CAMSAP1: variants seen among roughly 807,000 people sequenced by gnomAD.
CAMSAP1 encodes the protein calmodulin regulated spectrin associated protein 1.
Under a neutral mutation model 143.5 loss-of-function variants are expected in CAMSAP1, and 58 were observed. The observed-to-expected ratio is 0.40, with a 90% CI of 0.33 to 0.50. CAMSAP1 has a LOEUF of 0.50. Ranked by LOEUF, CAMSAP1 falls within the 20% of genes least tolerant of loss-of-function variation. CAMSAP1 has a pLI of 0.45. For synonymous variants in CAMSAP1, 945 were observed against 859.3 expected (o/e 1.10, Z -1.74); for missense variants, 1,969 against 2,115.7 (o/e 0.93, Z 1.36).
At chr9:135,832,992 A>C (rs982222042) in intron 7 of CAMSAP1, among the ~76,000 whole-genome samples, 4 of 152,022 alleles carry the variant, frequency 2.6e-5, no homozygotes, top group African/African-American at 9.7e-5. Context: ...TGCCTATCAA[A>C]ATCCCAATGG....
At chr9:135,888,277 C>T (rs1451456140) in intron 1 of CAMSAP1, among the ~76,000 whole-genome samples, 1 of 152,236 alleles carries the variant, frequency 6.6e-6, no homozygotes, top group Non-Finnish European at 1.5e-5. Flanking sequence ...GCTATTACTG[C>T]AATGAGGATG....
chr9:135,891,249 T>C (rs1469705058), intron 1 of CAMSAP1, among the ~76,000 whole-genome samples: 1 of 152,120 alleles, frequency 6.6e-6, no homozygotes, highest in East Asian at 1.9e-4. Context: ...AGTGGCAGCA[T>C]GAGCAGCAGA....
chr9:135,817,887 G>A (rs1169859735), intron 14 of CAMSAP1, 90 bp downstream of exon 14: 1 of 951,960 alleles, frequency 1.1e-6, no homozygotes, highest in African/African-American at 1.7e-5. Flanking sequence ...AGTTACAAAA[G>A]CCTCTCTCAC....
chr9:135,887,489 T>C lies in CAMSAP1; in HGVS notation c.161-4411A>G, dbSNP rs147439764. 1.4e-3 allele frequency among the ~76,000 whole-genome samples: 218 copies of C among 152,036 alleles called. 1 individual carries two copies. The highest frequency in any genetic ancestry group is 4.7e-3 in the African/African-American group (195 of 41,446). On this transcript the variant is annotated intron_variant, in intron 1 of 16. Transcript: ENST00000389532. ...AAAAAAGATGTGTCTGCTTTAAGGA[T>C]TGGAGAAACGGTGACGAAAGAAAAC...
In CAMSAP1 at chr9:135,835,312, CG is replaced by C. The variant is rs568801143; in HGVS notation, c.1046-7729del. On this transcript the variant is annotated intron_variant, in intron 7 of 16. Coordinates refer to ENST00000389532, the MANE Select transcript of CAMSAP1 (RefSeq NM_015447.4). ...TACCCACAGCAGCACCAGGCAGCCCCGTGGTCGCCCCCTTCAGTACACCAGG... is the reference window on the plus strand; with the variant it reads ...TACCCACAGCAGCACCAGGCAGCCCCTGGTCGCCCCCTTCAGTACACCAGG... Among the ~76,000 whole-genome samples, 229 of 152,264 alleles carry C rather than the reference CG, an allele frequency of 1.5e-3. 1 individual carries two copies. Among genetic ancestry groups the C allele is most frequent in the African/African-American group, 5.4e-3 (225 of 41,562 alleles).
Position 135,818,690 on chromosome 9 carries a change from TC to T in CAMSAP1, c.3960-75del. 2 of 1,499,334 alleles carry T rather than the reference TC, an allele frequency of 1.3e-6. No homozygotes were observed. Among genetic ancestry groups the T allele is most frequent in the Non-Finnish European group, 1.8e-6 (2 of 1,113,044 alleles). 92.9% of individuals were successfully genotyped at this position (1,499,334 alleles called of 1,614,324 possible). On this transcript the variant is annotated intron_variant, in intron 12 of 16. Coordinates refer to ENST00000389532, the MANE Select transcript of CAMSAP1 (RefSeq NM_015447.4). This position sits in a 1 kb window ranked among gnomAD's most constrained non-coding sequence, Gnocchi z 7.7. ...ACGACGCCTGCGCCGCGGCGCTCTG[TC>T]CAGGCGCGTTTCTCGGGTTCTCCCC...
rs774868223 is a variant in CAMSAP1, at chr9:135,822,639, G to A, written c.2022C>T (p.Thr674=). 5.6e-6 allele frequency: 9 copies of A among 1,610,652 alleles called. No homozygotes were observed. Among genetic ancestry groups the A allele is most frequent in the East Asian group, 2.2e-5 (1 of 44,800 alleles). ...GAGGCCCACCACAGACCTCTCCTGC[G>A]GTTTCCACTGACAGTGGTCCTGTCT... is the stretch of plus-strand genomic sequence containing the variant. The part of the protein sequence containing the change: ...PTETGPLSVE[T]AGEVCGGPLA... The change falls in exon 11 of 17, where the codon ACC becomes ACT. Residue 674 remains threonine, a synonymous_variant. Coordinates refer to ENST00000389532, the MANE Select transcript of CAMSAP1 (RefSeq NM_015447.4). This position sits in a 1 kb window ranked among gnomAD's most constrained non-coding sequence, Gnocchi z 6.1.
At chr9:135,827,082 A>G (rs1426706637) in intron 8 of CAMSAP1, among the ~76,000 whole-genome samples, 1 of 152,168 alleles carries the variant, frequency 6.6e-6, no homozygotes, top group African/African-American at 2.4e-5. Flanking sequence ...TAAAGAGCAC[A>G]CCTAAACTGT....
chr9:135,832,545 C>A (rs117445555), intron 7 of CAMSAP1, among the ~76,000 whole-genome samples: 1 of 152,122 alleles, frequency 6.6e-6, no homozygotes, highest in African/African-American at 2.4e-5. Flanking sequence ...TTATTCAACA[C>A]AGTACTGGAA....
rs1422334720 is a variant in CAMSAP1, at chr9:135,878,139, T to C, written c.585+3494A>G. The stretch of plus-strand genomic sequence containing the variant: ...GTCCCGGAAATGCACAGCATTAGCC[T>C]TTCCTCAGACGGCAGGGAGGCTCCT... On this transcript the variant is annotated intron_variant, in intron 3 of 16. Transcript: ENST00000389532. Among the ~76,000 whole-genome samples, 8 of 152,308 alleles carry C rather than the reference T, an allele frequency of 5.3e-5. No individual in the cohort carries two copies. The East Asian group carries it at 1.5e-3, about 29-fold the overall frequency.
chr9:135,852,861 C>T (rs1184749420), intron 5 of CAMSAP1, among the ~76,000 whole-genome samples: 1 of 152,080 alleles, frequency 6.6e-6, no homozygotes, highest in Non-Finnish European at 1.5e-5. Context: ...AAAGTAAGAT[C>T]CATGAGGCCA....
chr9:135,818,322 G>GA lies in CAMSAP1; in HGVS notation c.4168+85dup. 7.1e-7 allele frequency: 1 copy of GA among 1,407,322 alleles called. No homozygotes were observed. Among genetic ancestry groups the GA allele is most frequent in the Non-Finnish European group, 9.5e-7 (1 of 1,048,392 alleles). 87.2% of individuals were successfully genotyped at this position (1,407,322 alleles called of 1,614,324 possible). ...ACCCTTCCCGCCTCACACCACTCTT[G>GA]ATGACAAAATTGAAATGAGCTGAAG... On this transcript the variant is annotated intron_variant, in intron 13 of 16. Transcript: ENST00000389532. The surrounding 1 kb of genome is among the most constrained non-coding windows in gnomAD (Gnocchi z 7.7).
At chr9:135,877,236 C>A (rs1033382992) in intron 3 of CAMSAP1, among the ~76,000 whole-genome samples, 1 of 151,780 alleles carries the variant, frequency 6.6e-6, no homozygotes, top group African/African-American at 2.4e-5. Flanking sequence ...AAGCCAAACA[C>A]AAGAAGAGCA....
intron 3 of CAMSAP1, among the ~76,000 whole-genome samples, chr9:135,880,291 G>A (rs1447006043): frequency 2.4e-4 from 37 of 152,130 alleles, no homozygotes; most frequent in Admixed American, 2.4e-3. Context: ...CACGCCGCCA[G>A]GTGAGAGCCA....
At chr9:135,851,141 G>A in intron 5 of CAMSAP1, among the ~76,000 whole-genome samples, 1 of 152,252 alleles carries the variant, frequency 6.6e-6, no homozygotes, top group East Asian at 1.9e-4. Context: ...GTGGAGTGGG[G>A]GGTGGCCCTC....
intron 4 of CAMSAP1, 66 bp downstream of exon 4, chr9:135,866,390 G>T: frequency 1.2e-6 from 1 of 818,648 alleles, no homozygotes; most frequent in Non-Finnish European, 2.1e-6. Flanking sequence ...GGAACTAACA[G>T]AATTCTTTAA....
intron 1 of CAMSAP1, among the ~76,000 whole-genome samples, chr9:135,885,071 T>C (rs1203940833): frequency 1.3e-5 from 2 of 152,168 alleles, no homozygotes; most frequent in Non-Finnish European, 2.9e-5. Context: ...TCAGGGCTCT[T>C]GGAGGGAGCT....
chr9:135,853,248 G>A (rs1836840935), intron 5 of CAMSAP1, among the ~76,000 whole-genome samples: 1 of 152,008 alleles, frequency 6.6e-6, no homozygotes, highest in Admixed American at 6.5e-5. Flanking sequence ...AAAACATCAA[G>A]AGTCAAGAGA....
intron 5 of CAMSAP1, among the ~76,000 whole-genome samples, chr9:135,857,258 G>A (rs771302720): frequency 2.6e-5 from 4 of 152,088 alleles, no homozygotes; most frequent in African/African-American, 7.2e-5. Context: ...CTCTTTCTTC[G>A]TAGACTGATC....
Sources: allele counts gnomAD v4.1 joint callset (sites outside exome capture counted in the v4.1 genomes callset), GRCh38; gene constraint gnomAD v4.1.1; non-coding constraint Gnocchi (gnomAD v3.1); transcripts MANE v1.5; gene names NCBI Gene and HGNC (gene_info 2026-07-23, HGNC 2026-07-21).